IL1RAPL2: variants seen among roughly 807,000 people sequenced by gnomAD.
IL1RAPL2 encodes X-linked interleukin-1 receptor accessory protein-like 2.
In IL1RAPL2, 3 loss-of-function variants were observed where a neutral mutation model predicts 44.1. That is an observed-to-expected ratio of 0.07 (90% confidence interval 0.03 to 0.18). The LOEUF is 0.18. Ranked by LOEUF, IL1RAPL2 falls within the 10% of genes least tolerant of loss-of-function variation. The pLI is 1.00. For missense variants in IL1RAPL2, 391 were observed against 496.4 expected, an observed-to-expected ratio of 0.79 and a Z score of 2.02; for synonymous variants, 181 against 178.8, an observed-to-expected ratio of 1.01 and a Z score of -0.10.
At chrX:105,192,839 A>G (rs782592848) in intron 2 of IL1RAPL2, among the ~76,000 whole-genome samples, 4 of 112,273 alleles carry the variant, frequency 3.6e-5, no homozygotes, top group East Asian at 2.8e-4. Flanking sequence ...TTCTCTGGCT[A>G]TTGACTACCT....
chrX:105,280,314 A>G (rs2034520986), intron 5 of IL1RAPL2, among the ~76,000 whole-genome samples: 1 of 112,009 alleles, frequency 8.9e-6, no homozygotes, highest in Non-Finnish European at 1.9e-5. Flanking sequence ...AAGACCTAGG[A>G]CCATAAAAGT....
chrX:105,291,841 C>T (rs983244763), intron 5 of IL1RAPL2, among the ~76,000 whole-genome samples: 1 of 111,363 alleles, frequency 9.0e-6, no homozygotes, highest in African/African-American at 3.3e-5. Flanking sequence ...TCAAAAAACA[C>T]AATTTTGAAC....
chrX:105,366,784 T>C (rs1050842947), intron 5 of IL1RAPL2, among the ~76,000 whole-genome samples: 4 of 111,658 alleles, frequency 3.6e-5, no homozygotes, highest in African/African-American at 1.3e-4. Flanking sequence ...GAATGCTTCG[T>C]GTGTACTTGA....
intron 2 of IL1RAPL2, among the ~76,000 whole-genome samples, chrX:104,729,630 G>GTT (rs372920756): frequency 1.9e-5 from 2 of 103,740 alleles, no homozygotes; most frequent in African/African-American, 7.0e-5. Context: ...GTACCCAATA[G>GTT]TTTTTTTTTT....
At chrX:105,037,388 G>T (rs2031648224) in intron 2 of IL1RAPL2, among the ~76,000 whole-genome samples, 1 of 111,276 alleles carries the variant, frequency 9.0e-6, no homozygotes, top group Non-Finnish European at 1.9e-5. Flanking sequence ...ATAGAAAAAG[G>T]GTTGGGTAGT....
rs1922090358 is a variant in IL1RAPL2 at position 104,847,573 on chromosome X, C to T, written c.82+188578C>T. Among the ~76,000 whole-genome samples, 4 of 111,634 alleles carry T rather than the reference C, an allele frequency of 3.6e-5. No homozygotes were observed. In the Admixed American group the frequency reaches 3.8e-4, roughly 11 times the overall value. On this transcript the variant is annotated intron_variant, in intron 2 of 10. Transcript: ENST00000372582. ...CTATATCTCTGTTTTGGTACCAGTA[C>T]CATGCTGTTTTGGTTACTGTAGCCT...
At chrX:105,676,416 A>G (rs1222478983) in intron 6 of IL1RAPL2, among the ~76,000 whole-genome samples, 1 of 111,590 alleles carries the variant, frequency 9.0e-6, no homozygotes, top group African/African-American at 3.3e-5. Flanking sequence ...AGAGCTTTTC[A>G]GTCTCCCTAG....
chrX:105,287,773 A>G (rs1048422671), intron 5 of IL1RAPL2, among the ~76,000 whole-genome samples: 1 of 111,534 alleles, frequency 9.0e-6, no homozygotes, highest in Non-Finnish European at 1.9e-5. Context: ...TGCTTGTCTA[A>G]TTGGAAGGAT....
chrX:104,827,032 A>G (rs184595728), intron 2 of IL1RAPL2, among the ~76,000 whole-genome samples: 19 of 98,344 alleles, frequency 1.9e-4, no homozygotes, highest in Admixed American at 1.8e-3. Flanking sequence ...TGCACATGAG[A>G]TGGGTCTCCT....
At chrX:104,723,980 A>G (rs919405213) in intron 2 of IL1RAPL2, among the ~76,000 whole-genome samples, 2 of 111,681 alleles carry the variant, frequency 1.8e-5, no homozygotes, top group East Asian at 5.7e-4. Flanking sequence ...TAGACACAAC[A>G]AACAATAGAA....
intron 4 of IL1RAPL2, among the ~76,000 whole-genome samples, chrX:105,236,734 A>C (rs950468218): frequency 1.3e-4 from 15 of 112,367 alleles, no homozygotes; most frequent in Non-Finnish European, 2.8e-4. Context: ...AAATACCTGA[A>C]GAAAATGTAC....
At chrX:105,592,265 T>C (rs1160955340) in intron 6 of IL1RAPL2, among the ~76,000 whole-genome samples, 1 of 112,221 alleles carries the variant, frequency 8.9e-6, no homozygotes, top group East Asian at 2.8e-4. Context: ...GTTGTTTTGT[T>C]GTCCATTTAC....
chrX:104,996,566 G>A (rs1010806724), intron 2 of IL1RAPL2, among the ~76,000 whole-genome samples: 3 of 112,053 alleles, frequency 2.7e-5, no homozygotes, highest in African/African-American at 6.5e-5. Flanking sequence ...CAGTCATGCC[G>A]AAGCCCATTG....
At chrX:105,425,893 C>T (rs1329620019) in intron 5 of IL1RAPL2, among the ~76,000 whole-genome samples, 1 of 110,499 alleles carries the variant, frequency 9.0e-6, no homozygotes, top group East Asian at 2.9e-4. Context: ...TGACTAAGCC[C>T]AGACCCCTGT....
At chrX:105,729,860 C>T (rs758567183) in intron 7 of IL1RAPL2, among the ~76,000 whole-genome samples, 7 of 52,656 alleles carry the variant, frequency 1.3e-4, no homozygotes, top group South Asian at 1.1e-3. Flanking sequence ...AAGCAAGAGA[C>T]GAAGGAAGGA....
chrX:105,361,074 G>A (rs548601742), intron 5 of IL1RAPL2, among the ~76,000 whole-genome samples: 75 of 111,622 alleles, frequency 6.7e-4, no homozygotes, highest in Middle Eastern at 9.2e-3. Flanking sequence ...AATCAAGAGA[G>A]AATGTGGCCT....
At chrX:105,346,327 C>T (rs777584393) in intron 5 of IL1RAPL2, among the ~76,000 whole-genome samples, 2 of 111,735 alleles carry the variant, frequency 1.8e-5, no homozygotes, top group Non-Finnish European at 3.8e-5. Flanking sequence ...TGGATGAACA[C>T]AGGCATTTCA....
intron 2 of IL1RAPL2, among the ~76,000 whole-genome samples, chrX:105,111,465 C>T (rs1462896674): frequency 9.0e-6 from 1 of 111,318 alleles, no homozygotes; most frequent in Non-Finnish European, 1.9e-5. Flanking sequence ...GAAAGAGTGG[C>T]TGCTTCTTCC....
intron 3 of IL1RAPL2, among the ~76,000 whole-genome samples, chrX:105,201,953 T>C (rs1241167944): frequency 4.5e-5 from 5 of 112,073 alleles, no homozygotes; most frequent in African/African-American, 1.3e-4. Context: ...GTTATTTTTC[T>C]ATCTGTTTTT....
Sources: allele counts gnomAD v4.1 joint callset (sites outside exome capture counted in the v4.1 genomes callset), GRCh38; gene constraint gnomAD v4.1.1; transcripts MANE v1.5; gene names NCBI Gene and HGNC (gene_info 2026-07-23, HGNC 2026-07-21).